LIN7A: variants seen among roughly 807,000 people sequenced by gnomAD.
LIN7A encodes lin-7 cell polarity scaffold A.
LIN7A carries 25 observed loss-of-function variants against 29.8 expected under a neutral mutation model. The observed-to-expected ratio is 0.84, with a 90% CI of 0.61 to 1.17. The LOEUF (loss-of-function observed/expected upper bound fraction) is 1.17. LIN7A is among the 50% of genes most tolerant of loss of function. LIN7A has a pLI of 0.00. For missense variants in LIN7A, 239 were observed against 287.0 expected, an observed-to-expected ratio of 0.83 and a Z score of 1.21; for synonymous variants, 118 against 107.5, an observed-to-expected ratio of 1.10 and a Z score of -0.60.
In LIN7A at chr12:80,796,264, T is replaced by C. The variant is rs1451269539; in HGVS notation, c.*1463A>G. 3.3e-5 allele frequency: 5 copies of C among 152,226 alleles called. No individual in the cohort carries two copies. Among genetic ancestry groups the C allele is most frequent in the African/African-American group, 1.2e-4 (5 of 41,460 alleles). The allele number at this position is 152,226 out of a possible 1,614,324, so 9.4% of individuals were successfully genotyped here. On this transcript the variant is annotated 3_prime_UTR_variant, in exon 6 of 6. Transcript: ENST00000552864. Reference sequence around the variant, plus strand: ...ATTCAAATATTTGCCTGTGGTTTACTGATCTATTTTGAATACTTCAACTAA... The same window carrying C: ...ATTCAAATATTTGCCTGTGGTTTACCGATCTATTTTGAATACTTCAACTAA...
intron 1 of LIN7A, among the ~76,000 whole-genome samples, chr12:80,901,630 A>G (rs1876218821): frequency 6.6e-6 from 1 of 152,108 alleles, no homozygotes; most frequent in Non-Finnish European, 1.5e-5. Flanking sequence ...GAAATTGCTG[A>G]AGAGACACCC....
intron 2 of LIN7A, among the ~76,000 whole-genome samples, chr12:80,885,334 T>G (rs1875271449): frequency 6.6e-6 from 1 of 152,154 alleles, no homozygotes; most frequent in African/African-American, 2.4e-5. Context: ...GGAAATGATC[T>G]TTACTGAGAA....
chr12:80,924,666 C>T (rs546900325), intron 1 of LIN7A, among the ~76,000 whole-genome samples: 2 of 152,096 alleles, frequency 1.3e-5, no homozygotes, highest in Non-Finnish European at 2.9e-5. Flanking sequence ...CCATGTTTGC[C>T]TTTCTCAGCA....
chr12:80,865,806 G>A (rs1390040191), intron 2 of LIN7A, among the ~76,000 whole-genome samples: 2 of 152,202 alleles, frequency 1.3e-5, no homozygotes, highest in African/African-American at 2.4e-5. Context: ...GCCTTTCAGA[G>A]GATAGAGAAT....
At chr12:80,830,633 A>AT (rs899836924) in intron 4 of LIN7A, among the ~76,000 whole-genome samples, 8 of 152,198 alleles carry the variant, frequency 5.3e-5, no homozygotes, top group Middle Eastern at 3.4e-3. Context: ...TTAAAAGTTG[A>AT]TTTTTTTTAA....
intron 4 of LIN7A, among the ~76,000 whole-genome samples, chr12:80,819,410 G>C (rs886464373): frequency 4.6e-5 from 7 of 152,038 alleles, no homozygotes; most frequent in African/African-American, 1.7e-4. Context: ...ATCTCCCATA[G>C]TACTTTGTTC....
chr12:80,894,633 G>A (rs1875791910), intron 1 of LIN7A, among the ~76,000 whole-genome samples: 1 of 152,200 alleles, frequency 6.6e-6, no homozygotes, highest in East Asian at 1.9e-4. Context: ...TAAAAATTGA[G>A]ATTAAAAAAA....
intron 4 of LIN7A, among the ~76,000 whole-genome samples, chr12:80,830,872 G>A (rs1031938147): frequency 6.6e-6 from 1 of 152,050 alleles, no homozygotes; most frequent in African/African-American, 2.4e-5. Flanking sequence ...TATCTCCTTT[G>A]ACCTCCACCT....
intron 2 of LIN7A, among the ~76,000 whole-genome samples, chr12:80,868,818 G>A (rs996434581): frequency 2.6e-5 from 4 of 152,136 alleles, no homozygotes; most frequent in African/African-American, 9.7e-5. Context: ...ACCAGTACTT[G>A]CCTCTGGGCT....
chr12:80,843,615 A>G (rs570604048), intron 4 of LIN7A, among the ~76,000 whole-genome samples: 1 of 152,268 alleles, frequency 6.6e-6, no homozygotes, highest in South Asian at 2.1e-4. Context: ...CAGTAGCCAC[A>G]TTTACCTGTC....
intron 1 of LIN7A, among the ~76,000 whole-genome samples, chr12:80,935,303 G>C (rs1385887157): frequency 1.3e-5 from 2 of 152,114 alleles, no homozygotes. Context: ...CGCATCAAAG[G>C]GTACCAAAGC....
At chr12:80,922,592 C>G (rs1877372826) in intron 1 of LIN7A, among the ~76,000 whole-genome samples, 1 of 152,156 alleles carries the variant, frequency 6.6e-6, no homozygotes, top group Non-Finnish European at 1.5e-5. Context: ...TATGCTGGTA[C>G]TTTCTTATAA....
At chr12:80,864,049 T>A (rs538929623) in intron 2 of LIN7A, among the ~76,000 whole-genome samples, 1 of 152,292 alleles carries the variant, frequency 6.6e-6, no homozygotes, top group South Asian at 2.1e-4. Flanking sequence ...AATAAAAAGA[T>A]TTGTTAAAAC....
chr12:80,899,073 T>G (rs1425038002), intron 1 of LIN7A, among the ~76,000 whole-genome samples: 1 of 152,196 alleles, frequency 6.6e-6, no homozygotes, highest in Non-Finnish European at 1.5e-5. Flanking sequence ...TCAAGAGGAA[T>G]GCTTCCAGCT....
intron 4 of LIN7A, among the ~76,000 whole-genome samples, chr12:80,829,180 G>C (rs1223082273): frequency 6.6e-6 from 1 of 152,070 alleles, no homozygotes; most frequent in Non-Finnish European, 1.5e-5. Flanking sequence ...CAAAACAAAA[G>C]CAAAAATCCC....
chr12:80,853,780 T>C (rs1234700934), intron 2 of LIN7A, among the ~76,000 whole-genome samples: 2 of 152,164 alleles, frequency 1.3e-5, no homozygotes, highest in African/African-American at 2.4e-5. Context: ...CACTGTAATC[T>C]CTGCCTCCCA....
intron 1 of LIN7A, among the ~76,000 whole-genome samples, chr12:80,925,149 C>A (rs546227523): frequency 6.6e-6 from 1 of 152,048 alleles, no homozygotes; most frequent in Non-Finnish European, 1.5e-5. Flanking sequence ...GCAATGAGTA[C>A]GGAAAGATAT....
intron 4 of LIN7A, among the ~76,000 whole-genome samples, chr12:80,828,213 G>T (rs1872176979): frequency 6.6e-6 from 1 of 151,958 alleles, no homozygotes; most frequent in African/African-American, 2.4e-5. Context: ...TCCTATCCTG[G>T]CTTGCATATA....
rs373149432 is a variant in LIN7A at position 80,848,328 on chromosome 12, A to G, written c.202-6T>C. On this transcript the variant is annotated splice_region_variant and splice_polypyrimidine_tract_variant and intron_variant, in intron 2 of 5. Coordinates refer to ENST00000552864, the MANE Select transcript of LIN7A (RefSeq NM_004664.4). ...TCATGCATATATTGATACACCTAAAATGTTCACATAAAAAGAAGAATGTGT... is the reference window on the plus strand; with the variant it reads ...TCATGCATATATTGATACACCTAAAGTGTTCACATAAAAAGAAGAATGTGT... 36 of 1,587,594 alleles carry G rather than the reference A, an allele frequency of 2.3e-5. No individual in the cohort carries two copies. Among genetic ancestry groups the G allele is most frequent in the Non-Finnish European group, 3.0e-5 (35 of 1,156,226 alleles).
Sources: gnomAD v4.1 joint callset for allele counts (sites outside exome capture counted in the v4.1 genomes callset) on GRCh38, gnomAD v4.1.1 for gene constraint, MANE v1.5 for transcripts, NCBI Gene and HGNC (gene_info 2026-07-23, HGNC 2026-07-21) for gene names.